Variants in ZNF410 observed in about 807,000 individuals in gnomAD.
ZNF410 encodes the protein zinc finger protein 410.
Under a neutral mutation model 54.8 loss-of-function variants are expected in ZNF410, and 18 were observed. The observed-to-expected ratio is 0.33, with a 90% confidence interval of 0.23 to 0.49. The LOEUF (loss-of-function observed/expected upper bound fraction) is 0.49, where lower values mean the gene tolerates loss of function less well. Among genes scored for constraint, ZNF410 ranks in the 20% least tolerant of loss-of-function variants. The pLI, the probability that ZNF410 is intolerant of heterozygous loss-of-function variation, is 0.99. For missense variants in ZNF410, 405 were observed against 569.6 expected (o/e 0.71, Z 2.94); for synonymous variants, 191 against 207.3 (o/e 0.92, Z 0.68).
chr14:73,891,902 C>A, intron 1 of ZNF410, 125 bp from the exon 2 acceptor site: 1 of 599,322 alleles, frequency 1.7e-6, no homozygotes, highest in Non-Finnish European at 2.9e-6. Flanking sequence ...AGAAGTGTTT[C>A]GGTTTGAATT....
Position 73,898,269 on chromosome 14 carries a change from C to T in ZNF410, c.580+7C>T, listed in dbSNP as rs374597946. 6.2e-7 allele frequency: 1 copy of T among 1,613,940 alleles called. No homozygotes were observed. The highest frequency in any genetic ancestry group is 1.3e-5 in the African/African-American group (1 of 75,036). On this transcript the variant is annotated splice_region_variant and intron_variant, in intron 5 of 11. Transcript: ENST00000555044. ...GCAAAAACCAGCAGCAATGGTGAGG[C>T]CCGTCGGCATTTTCCTTGCCACTAT...
chr14:73,896,779 G>A (rs1176988822), intron 4 of ZNF410, among the ~76,000 whole-genome samples: 1 of 152,092 alleles, frequency 6.6e-6, no homozygotes, highest in Non-Finnish European at 1.5e-5. Flanking sequence ...CAAGGCTTGG[G>A]GGAGGATGAT....
chr14:73,919,886 G>GTTTTTTTTTTATTTTTT (rs2055729416), intron 8 of ZNF410, among the ~76,000 whole-genome samples: 1 of 62,026 alleles, frequency 1.6e-5, no homozygotes, highest in African/African-American at 6.2e-5. Context: ...TATTGTATAG[G>GTTTTTTTTTTATTTTTT]TTTTTTTTTT....
At chr14:73,904,856 C>A in intron 6 of ZNF410, 46 bp from the exon 7 acceptor site, 1 of 1,592,658 alleles carries the variant, frequency 6.3e-7, no homozygotes, top group Non-Finnish European at 8.6e-7. Flanking sequence ...TCATCTCTAG[C>A]AAAGAGTGTT....
intron 7 of ZNF410, among the ~76,000 whole-genome samples, chr14:73,906,045 C>A (rs1366602029): frequency 2.7e-5 from 4 of 148,004 alleles, no homozygotes; most frequent in African/African-American, 1.0e-4. Context: ...TGTTGCCAGG[C>A]TGGAGTGCAG....
intron 11 of ZNF410, chr14:73,927,187 G>T: frequency 3.8e-6 from 1 of 263,734 alleles, no homozygotes; most frequent in South Asian, 3.0e-5. Flanking sequence ...CCGAATTCAA[G>T]CGGTTCTTCT....
intron 11 of ZNF410, among the ~76,000 whole-genome samples, chr14:73,930,293 TAA>T (rs1266339651): frequency 6.6e-6 from 1 of 152,210 alleles, no homozygotes; most frequent in Admixed American, 6.5e-5. Flanking sequence ...AGATTTTGTT[TAA>T]AAGTCTTTAA....
At chr14:73,916,618 T>C (rs1180783184) in intron 8 of ZNF410, 1 of 152,182 alleles carries the variant, frequency 6.6e-6, no homozygotes, top group South Asian at 2.1e-4. Flanking sequence ...TATTCCTCCA[T>C]GGAGTCCTGG....
At chr14:73,930,551 A>G (rs1174938528) in intron 11 of ZNF410, among the ~76,000 whole-genome samples, 1 of 152,198 alleles carries the variant, frequency 6.6e-6, no homozygotes, top group East Asian at 1.9e-4. Context: ...TTATTTGATT[A>G]GATTTTAATA....
intron 8 of ZNF410, among the ~76,000 whole-genome samples, chr14:73,918,847 C>T (rs888916835): frequency 2.0e-5 from 3 of 150,594 alleles, no homozygotes; most frequent in African/African-American, 7.3e-5. Context: ...TACAGGCGCC[C>T]GCCACCACGC....
intron 8 of ZNF410, among the ~76,000 whole-genome samples, chr14:73,911,349 A>C (rs1357890609): frequency 6.6e-6 from 1 of 152,198 alleles, no homozygotes; most frequent in Admixed American, 6.5e-5. Context: ...CCAGAACATG[A>C]CAAGTGGAGA....
chr14:73,909,853 C>T (rs2055550700), intron 8 of ZNF410, among the ~76,000 whole-genome samples: 1 of 152,146 alleles, frequency 6.6e-6, no homozygotes, highest in Admixed American at 6.5e-5. Context: ...TGTTAGTGAT[C>T]CTGCTTGAGT....
chr14:73,915,929 G>A (rs1004146290), intron 8 of ZNF410: 1 of 152,108 alleles, frequency 6.6e-6, no homozygotes, highest in African/African-American at 2.4e-5. Context: ...ACTTGGTTTT[G>A]TCATAATTTG....
chr14:73,905,956 CACACACACACACATAT>C (rs1368292655), intron 7 of ZNF410, among the ~76,000 whole-genome samples: 2 of 21,172 alleles, frequency 9.4e-5, no homozygotes, highest in Non-Finnish European at 2.3e-4. Context: ...CACACACACA[CACACACACACACATAT>C]ATATATATAT....
At chr14:73,896,188 G>C (rs1043669655) in intron 3 of ZNF410, 128 bp from the exon 4 acceptor site, 4 of 683,240 alleles carry the variant, frequency 5.9e-6, no homozygotes, top group African/African-American at 5.4e-5. Flanking sequence ...GTTTTTATTT[G>C]TGTAATGAGA....
At chr14:73,919,716 C>G (rs1834485179) in intron 8 of ZNF410, among the ~76,000 whole-genome samples, 2 of 151,996 alleles carry the variant, frequency 1.3e-5, no homozygotes, top group Non-Finnish European at 2.9e-5. Context: ...GATTCCATGT[C>G]TTTGCTGTTG....
chr14:73,903,823 A>G (rs2055442377), intron 5 of ZNF410, 137 bp from the exon 6 acceptor site: 18 of 1,222,518 alleles, frequency 1.5e-5, no homozygotes, highest in Non-Finnish European at 1.8e-5. Context: ...TTAAGTGCAT[A>G]CAAAGATAAC....
rs556506675 is a variant in ZNF410, at chr14:73,896,067, G to C, written c.170-249G>C. The C allele has an allele frequency of 1.4e-5, 7 of 484,436 alleles. No individual in the cohort carries two copies. In the East Asian group the frequency reaches 2.5e-4, roughly 17 times the overall value. The allele number at this position is 484,436 out of a possible 1,614,324, so 30.0% of individuals were successfully genotyped here. A position where few individuals can be genotyped will look rare whatever the true frequency, so the allele number is the denominator to read the frequency against. On this transcript the variant is annotated intron_variant, in intron 3 of 11. Transcript: ENST00000555044. ...TTCTGTGATGTCCAAATGTTGAATG[G>C]TTGGTTATTCACCAACCATTACTGC...
chr14:73,923,519 A>G lies in ZNF410; in HGVS notation c.1395A>G (p.Gln465=). The change falls in exon 11 of 12, where the codon CAA becomes CAG. Residue 465 remains glutamine (Q), a synonymous_variant. Coordinates refer to ENST00000555044, the MANE Select transcript of ZNF410 (RefSeq NM_021188.3). ...CTGTCTTAACTGCAGTAAATCCACA[A>G]GAGGTAAAGTGGTCTCTTGCCCTTT... ...EVSVLTAVNP[Q]ELLNQGDLTE... is the part of the protein sequence containing the mutation. 4.3e-6 allele frequency: 7 copies of G among 1,612,736 alleles called. No homozygotes were observed. Among genetic ancestry groups the G allele is most frequent in the Middle Eastern group, 1.7e-4 (1 of 6,056 alleles).
Sources: gnomAD v4.1 joint callset for allele counts (sites outside exome capture counted in the v4.1 genomes callset) on GRCh38, gnomAD v4.1.1 for gene constraint, MANE v1.5 for transcripts, NCBI Gene and HGNC (gene_info 2026-07-23, HGNC 2026-07-21) for gene names.